Variants in DLGAP2 observed in about 807,000 individuals in gnomAD.
The protein encoded by DLGAP2 is DLG associated protein 2, also known as disks large-associated protein 2.
Under a neutral mutation model 100.3 loss-of-function variants are expected in DLGAP2, and 26 were observed. That is an observed-to-expected ratio of 0.26 (90% CI 0.19 to 0.36). The LOEUF is 0.36. Ranked by LOEUF, DLGAP2 falls within the 10% of genes least tolerant of loss-of-function variation. DLGAP2 has a pLI of 1.00. For missense variants in DLGAP2, 1,858 were observed against 1,453.2 expected (o/e 1.28, Z -4.53); for synonymous variants, 886 against 630.1 (o/e 1.41, Z -6.08).
intron 3 of DLGAP2, among the ~76,000 whole-genome samples, chr8:1,355,755 A>G (rs1402821661): frequency 6.6e-6 from 1 of 152,084 alleles, no homozygotes; most frequent in East Asian, 1.9e-4. Context: ...GTCCCTGTGG[A>G]CAAGTGCCCC....
rs1045135463 is a variant in DLGAP2 at position 1,695,046 on chromosome 8, G to T, written c.2797-2101G>T. On this transcript the variant is annotated intron_variant, in intron 13 of 14. Transcript: ENST00000637795. Reference sequence around the variant, plus strand: ...GTGTGTTGTTGCCGAGGAGAGGAGGGGGGCACGGGAAGGCGATGCCTGCTC... The same window carrying T: ...GTGTGTTGTTGCCGAGGAGAGGAGGTGGGCACGGGAAGGCGATGCCTGCTC... Among the ~76,000 whole-genome samples, 4 of 152,306 alleles carry T rather than the reference G, an allele frequency of 2.6e-5. No homozygotes were observed. In the East Asian group the frequency reaches 7.7e-4, roughly 29 times the overall value.
intron 3 of DLGAP2, among the ~76,000 whole-genome samples, chr8:1,472,036 A>C (rs1798816075): frequency 6.6e-6 from 1 of 152,264 alleles, no homozygotes; most frequent in Admixed American, 6.5e-5. Flanking sequence ...TAAAGCAGTG[A>C]GCACCAACAA....
intron 3 of DLGAP2, among the ~76,000 whole-genome samples, chr8:1,316,983 A>G (rs55816649): frequency 0.011 from 492 of 44,412 alleles, 58 homozygotes; most frequent in East Asian, 0.034. Flanking sequence ...CAAGTGCAGC[A>G]TCTCTCCAAC....
At position 1,302,200 on chromosome 8, in the gene DLGAP2, G is replaced by GC. The variant is rs1800362994; in HGVS notation, c.106+43317_106+43318insC. On this transcript the variant is annotated intron_variant, in intron 3 of 14. Transcript: ENST00000637795. ...TGCTCCATACCTGGGACCGGACTCG[G>GC]AATTTTCTGTGAGTTCCCGAGCTCT... The GC allele has an allele frequency of 7.9e-5, 12 of 151,440 alleles. 1 individual carries two copies. The highest frequency in any genetic ancestry group is 4.1e-4 in the South Asian group (2 of 4,826). 9.4% of individuals were successfully genotyped at this position (151,440 alleles called of 1,614,324 possible). A position where few individuals can be genotyped will look rare whatever the true frequency, so the allele number is the denominator to read the frequency against.
chr8:1,588,166 C>T (rs770173577), intron 6 of DLGAP2, among the ~76,000 whole-genome samples: 1 of 152,182 alleles, frequency 6.6e-6, no homozygotes, highest in Admixed American at 6.5e-5. Context: ...CTAACAGCAG[C>T]AGCACGGATA....
rs192229061 is a variant in DLGAP2 at position 1,120,010 on chromosome 8, A to C, written c.74-138841A>C. ...AGCACTTTTAGGGCTGGGCTGAAAA[A>C]TGAGTCTGCTGGCAAAACCCTGTGT... On this transcript the variant is annotated intron_variant, in intron 2 of 14. Transcript: ENST00000637795. Among the ~76,000 whole-genome samples, 6 of 152,308 alleles carry C rather than the reference A, an allele frequency of 3.9e-5. No homozygotes were observed. The East Asian group carries it at 1.2e-3, about 29-fold the overall frequency.
intron 6 of DLGAP2, among the ~76,000 whole-genome samples, chr8:1,587,875 A>C (rs945343187): frequency 3.3e-5 from 5 of 152,294 alleles, no homozygotes; most frequent in Non-Finnish European, 7.3e-5. Flanking sequence ...TTAACTTTCC[A>C]AAACAGTTAA....
intron 1 of DLGAP2, among the ~76,000 whole-genome samples, chr8:885,186 G>C (rs1797898802): frequency 6.6e-6 from 1 of 152,118 alleles, no homozygotes; most frequent in Non-Finnish European, 1.5e-5. Flanking sequence ...GTGGTAGTTT[G>C]GGAATAGCAT....
chr8:835,640 C>G (rs979595402), intron 1 of DLGAP2, among the ~76,000 whole-genome samples: 12 of 152,268 alleles, frequency 7.9e-5, no homozygotes, highest in African/African-American at 2.4e-4. Flanking sequence ...ACTCTTAAAA[C>G]GAGTTCTCTT....
At chr8:1,406,617 T>A (rs1235255513) in intron 3 of DLGAP2, among the ~76,000 whole-genome samples, 10 of 35,298 alleles carry the variant, frequency 2.8e-4, no homozygotes, top group South Asian at 2.3e-3. Flanking sequence ...GTGTATTGAG[T>A]GCTTACTGAG....
chr8:1,453,428 A>G (rs573707360), intron 3 of DLGAP2, among the ~76,000 whole-genome samples: 3 of 152,230 alleles, frequency 2.0e-5, no homozygotes, highest in Non-Finnish European at 4.4e-5. Context: ...GGTTATTGTT[A>G]GGGTCGACCT....
At chr8:835,068 T>C (rs1796848359) in intron 1 of DLGAP2, among the ~76,000 whole-genome samples, 1 of 152,144 alleles carries the variant, frequency 6.6e-6, no homozygotes, top group African/African-American at 2.4e-5. Context: ...TTAGTGTGCA[T>C]GTACATTGGT....
chr8:1,022,437 G>A (rs1422852926), intron 2 of DLGAP2, among the ~76,000 whole-genome samples: 1 of 149,576 alleles, frequency 6.7e-6, no homozygotes, highest in Non-Finnish European at 1.5e-5. Flanking sequence ...CCCTGGGAGT[G>A]GACGGTCCCG....
At chr8:1,473,905 G>A (rs1462884097) in intron 3 of DLGAP2, among the ~76,000 whole-genome samples, 1 of 152,100 alleles carries the variant, frequency 6.6e-6, no homozygotes, top group Non-Finnish European at 1.5e-5. Flanking sequence ...CAGCCATGTG[G>A]AACTGTGAGT....
chr8:995,237 A>C (rs1800752837), intron 2 of DLGAP2, among the ~76,000 whole-genome samples: 1 of 152,086 alleles, frequency 6.6e-6, no homozygotes, highest in South Asian at 2.1e-4. Context: ...TTGTGGGAGG[A>C]AGTGGGTGAG....
intron 6 of DLGAP2, among the ~76,000 whole-genome samples, chr8:1,583,897 C>A (rs746816448): frequency 6.6e-6 from 1 of 152,062 alleles, no homozygotes; most frequent in Non-Finnish European, 1.5e-5. Flanking sequence ...TTCCTCCTCG[C>A]TCCTCTGACT....
chr8:1,211,284 T>C (rs1200584394), intron 2 of DLGAP2, among the ~76,000 whole-genome samples: 1 of 152,190 alleles, frequency 6.6e-6, no homozygotes, highest in Non-Finnish European at 1.5e-5. Flanking sequence ...CGTGGGGACG[T>C]TGTTAAAAGT....
chr8:1,549,206 A>G lies in DLGAP2; in HGVS notation c.753A>G (p.Lys251=), dbSNP rs2130517241. Residue 251 remains lysine, a synonymous_variant, in exon 5 of 15, where the codon AAA becomes AAG. Coordinates refer to ENST00000637795, the MANE Select transcript of DLGAP2 (RefSeq NM_001346810.2). ...CGCACTCGCTGGAGGGCTCCTCCAAAAGCAACGCCAACGGCACCAAGGCGG... is the reference window on the plus strand; with the variant it reads ...CGCACTCGCTGGAGGGCTCCTCCAAGAGCAACGCCAACGGCACCAAGGCGG... The part of the protein sequence containing the change: ...TKSHSLEGSS[K]SNANGTKADG... 6.2e-7 allele frequency: 1 copy of G among 1,602,114 alleles called. No homozygotes were observed. Among genetic ancestry groups the G allele is most frequent in the East Asian group, 2.3e-5 (1 of 44,228 alleles).
chr8:839,957 T>C (rs1467117672), intron 1 of DLGAP2, among the ~76,000 whole-genome samples: 10 of 136,058 alleles, frequency 7.3e-5, no homozygotes, highest in South Asian at 2.8e-4. Flanking sequence ...CATGTCTCCG[T>C]ACACTCTGGA....
Sources: gnomAD v4.1 joint callset for allele counts (sites outside exome capture counted in the v4.1 genomes callset) on GRCh38, gnomAD v4.1.1 for gene constraint, MANE v1.5 for transcripts, NCBI Gene and HGNC (gene_info 2026-07-23, HGNC 2026-07-21) for gene names.